The following STIM2 variants were observed in gnomAD, a reference collection of about 807,000 sequenced individuals.
STIM2 encodes the protein stromal interaction molecule 2.
Under a neutral mutation model 85.8 loss-of-function variants are expected in STIM2, and 31 were observed. The observed-to-expected ratio is 0.36, with a 90% CI of 0.27 to 0.49. The LOEUF (loss-of-function observed/expected upper bound fraction) is 0.49. STIM2 is among the 20% of genes least tolerant of loss of function. The probability of loss-of-function intolerance (pLI) is 0.98; values close to 1 mark genes in which losing one functional copy is unlikely to be tolerated. For missense variants in STIM2, 841 were observed against 927.6 expected, an observed-to-expected ratio of 0.91 and a Z score of 1.21; for synonymous variants, 356 against 331.1, an observed-to-expected ratio of 1.08 and a Z score of -0.82.
intron 1 of STIM2, among the ~76,000 whole-genome samples, chr4:26,867,434 A>G (rs1722449457): frequency 6.6e-6 from 1 of 152,216 alleles, no homozygotes; most frequent in Non-Finnish European, 1.5e-5. Flanking sequence ...TTGTTTGACA[A>G]ATAAAACCAA....
intron 1 of STIM2, among the ~76,000 whole-genome samples, chr4:26,882,755 G>T (rs1272131976): frequency 6.6e-6 from 1 of 151,890 alleles, no homozygotes; most frequent in Non-Finnish European, 1.5e-5. Context: ...ACGGTACCTG[G>T]CCCATTAGTC....
chr4:26,966,247 T>C (rs1726711834), intron 3 of STIM2, among the ~76,000 whole-genome samples: 1 of 152,174 alleles, frequency 6.6e-6, no homozygotes, highest in Non-Finnish European at 1.5e-5. Flanking sequence ...TTCCTAGTAG[T>C]TGGAAATCAG....
intron 1 of STIM2, among the ~76,000 whole-genome samples, chr4:26,877,854 G>T (rs1722867613): frequency 1.3e-5 from 2 of 152,162 alleles, no homozygotes; most frequent in African/African-American, 4.8e-5. Flanking sequence ...ATTAAGAGGT[G>T]CTTAGGCCAT....
chr4:26,908,379 T>C (rs1379207255), intron 1 of STIM2, among the ~76,000 whole-genome samples: 1 of 152,242 alleles, frequency 6.6e-6, no homozygotes, highest in East Asian at 1.9e-4. Context: ...GGCAAATTGC[T>C]TTTCCTATGA....
At chr4:26,971,561 T>A (rs986856578) in intron 3 of STIM2, among the ~76,000 whole-genome samples, 1 of 152,130 alleles carries the variant, frequency 6.6e-6, no homozygotes, top group African/African-American at 2.4e-5. Context: ...TGTAGATGTG[T>A]GGTGTTATTT....
intron 2 of STIM2, among the ~76,000 whole-genome samples, chr4:26,937,173 A>C (rs534700341): frequency 1.2e-3 from 183 of 152,228 alleles, no homozygotes; most frequent in Non-Finnish European, 2.1e-3. Context: ...TTTTGCTTTC[A>C]TTAGTCAGAC....
chr4:26,882,030 T>C (rs1038575740), intron 1 of STIM2, among the ~76,000 whole-genome samples: 4 of 152,224 alleles, frequency 2.6e-5, no homozygotes, highest in Non-Finnish European at 5.9e-5. Flanking sequence ...GTGTTTTTAT[T>C]GAAACAGAAT....
chr4:26,901,068 G>A (rs568378438), intron 1 of STIM2, among the ~76,000 whole-genome samples: 66 of 152,298 alleles, frequency 4.3e-4, no homozygotes, highest in Non-Finnish European at 7.6e-4. Flanking sequence ...TTCCTCTCCA[G>A]GGTGTTTGCT....
At chr4:26,948,718 G>A (rs1009901256) in intron 2 of STIM2, among the ~76,000 whole-genome samples, 2 of 151,932 alleles carry the variant, frequency 1.3e-5, no homozygotes, top group African/African-American at 4.8e-5. Flanking sequence ...GCAGCCTTCA[G>A]TATTCTGGAA....
intron 2 of STIM2, among the ~76,000 whole-genome samples, chr4:26,931,484 G>C (rs576419811): frequency 6.6e-6 from 1 of 152,206 alleles, no homozygotes; most frequent in Non-Finnish European, 1.5e-5. Flanking sequence ...CCTTTAAAAG[G>C]CTTTGTTTTG....
chr4:26,966,176 G>A (rs915003068), intron 3 of STIM2, among the ~76,000 whole-genome samples: 1 of 152,072 alleles, frequency 6.6e-6, no homozygotes, highest in African/African-American at 2.4e-5. Context: ...ACTTTTCACT[G>A]TGATGGACTA....
chr4:26,980,266 G>A (rs192799365), intron 3 of STIM2, among the ~76,000 whole-genome samples: 52 of 152,224 alleles, frequency 3.4e-4, no homozygotes, highest in Non-Finnish European at 4.0e-4. Flanking sequence ...CAACACTTCC[G>A]TTAAAACAAA....
chr4:26,920,104 C>T (rs115100566), intron 2 of STIM2, among the ~76,000 whole-genome samples: 91 of 152,280 alleles, frequency 6.0e-4, no homozygotes, highest in African/African-American at 2.1e-3. Context: ...AAGACAGCCT[C>T]TTATTCTGCA....
chr4:26,892,219 C>T (rs530204577), intron 1 of STIM2, among the ~76,000 whole-genome samples: 41 of 152,294 alleles, frequency 2.7e-4, no homozygotes, highest in Non-Finnish European at 5.0e-4. Context: ...ACGAATACAT[C>T]AGGCTTTAAG....
At chr4:26,919,474 A>G in intron 1 of STIM2, 30 bp from the exon 2 acceptor site, 1 of 1,611,934 alleles carries the variant, frequency 6.2e-7, no homozygotes, top group African/African-American at 1.3e-5. Flanking sequence ...TGGTATGGCA[A>G]GTTAGTAATT....
intron 2 of STIM2, among the ~76,000 whole-genome samples, chr4:26,949,704 G>T (rs961840626): frequency 2.0e-5 from 3 of 152,120 alleles, no homozygotes; most frequent in Non-Finnish European, 4.4e-5. Flanking sequence ...ATTTGCGTAT[G>T]TGTGTGTATT....
At chr4:26,885,391 A>G (rs1007592311) in intron 1 of STIM2, among the ~76,000 whole-genome samples, 1 of 152,120 alleles carries the variant, frequency 6.6e-6, no homozygotes, top group Non-Finnish European at 1.5e-5. Context: ...CCTTTGCCTA[A>G]GGTTAACCAC....
intron 3 of STIM2, among the ~76,000 whole-genome samples, chr4:26,983,948 G>A (rs1316057727): frequency 6.6e-6 from 1 of 152,088 alleles, no homozygotes; most frequent in Non-Finnish European, 1.5e-5. Flanking sequence ...CAAATTCTAA[G>A]AGAAAAAAGT....
At chr4:27,019,360 G>A in intron 11 of STIM2, 3 of 1,187,276 alleles carry the variant, frequency 2.5e-6, no homozygotes, top group Non-Finnish European at 3.4e-6. Context: ...GACTTTGCTT[G>A]GTTAACACTT....
Sources: allele counts gnomAD v4.1 joint callset (sites outside exome capture counted in the v4.1 genomes callset), GRCh38; gene constraint gnomAD v4.1.1; transcripts MANE v1.5; gene names NCBI Gene and HGNC (gene_info 2026-07-23, HGNC 2026-07-21).